The following CUX1 variants were observed in gnomAD, a reference collection of about 807,000 sequenced individuals.
CUX1 encodes the protein protein CASP.
A neutral mutation model predicts 158.8 loss-of-function variants in CUX1; 31 were observed. The observed-to-expected ratio is 0.20, with a 90% CI of 0.15 to 0.26. The LOEUF (loss-of-function observed/expected upper bound fraction) is 0.26. CUX1 is among the 10% of genes least tolerant of loss of function. The probability of loss-of-function intolerance (pLI) is 1.00; values close to 1 mark genes in which losing one functional copy is unlikely to be tolerated. For missense variants in CUX1, 1,589 were observed against 2,014.6 expected (o/e 0.79, Z 4.04); for synonymous variants, 879 against 862.1 (o/e 1.02, Z -0.34).
chr7:102,045,348 C>T (rs57300862), intron 3 of CUX1, among the ~76,000 whole-genome samples: 6,088 of 152,280 alleles, frequency 0.04, 376 homozygotes, highest in African/African-American at 0.14. Flanking sequence ...GGGCAGGAGC[C>T]GTGCGCCTGT....
intron 2 of CUX1, among the ~76,000 whole-genome samples, chr7:101,950,417 A>T (rs561682548): frequency 6.6e-4 from 97 of 148,086 alleles, no homozygotes; most frequent in East Asian, 1.4e-3. Flanking sequence ...TTGTTTTTTT[A>T]AAAAAAAAAT....
intron 1 of CUX1, among the ~76,000 whole-genome samples, chr7:101,836,893 A>C: frequency 6.6e-6 from 1 of 152,112 alleles, no homozygotes; most frequent in Non-Finnish European, 1.5e-5. Context: ...CGCAGAGGAC[A>C]TGGGGCAGAA....
intron 2 of CUX1, among the ~76,000 whole-genome samples, chr7:102,004,621 G>A (rs1182108780): frequency 6.6e-6 from 1 of 152,166 alleles, no homozygotes; most frequent in African/African-American, 2.4e-5. Context: ...ATTCCCAGGT[G>A]GAGAAACTGA....
At chr7:101,941,599 A>G (rs906815826) in intron 2 of CUX1, among the ~76,000 whole-genome samples, 7 of 152,202 alleles carry the variant, frequency 4.6e-5, no homozygotes, top group Non-Finnish European at 1.0e-4. Context: ...GTGGTTTGGC[A>G]GCTGCAGTTT....
intron 11 of CUX1, among the ~76,000 whole-genome samples, chr7:102,189,096 C>T (rs1418882302): frequency 6.6e-6 from 1 of 152,158 alleles, no homozygotes; most frequent in Admixed American, 6.5e-5. Context: ...GTGGAAAGGC[C>T]TTTGCCCTGA....
intron 1 of CUX1, among the ~76,000 whole-genome samples, chr7:101,849,284 G>GTT (rs879621355): frequency 8.6e-5 from 12 of 139,294 alleles, no homozygotes; most frequent in Non-Finnish European, 9.5e-5. Context: ...GTATCCATTA[G>GTT]TTTTTTTTTT....
At position 101,910,544 on chromosome 7, in the gene CUX1, C is replaced by T. The variant is rs556119463; in HGVS notation, c.31-5571C>T. Among the ~76,000 whole-genome samples the T allele has an allele frequency of 1.4e-4, 22 of 152,134 alleles. 1 individual carries two copies. The South Asian group carries it at 4.1e-3, about 29-fold the overall frequency. On this transcript the variant is annotated intron_variant, in intron 1 of 23. Transcript: ENST00000292535. Reference sequence around the variant, plus strand: ...GCCAAGGCGGGCAGATCGCTTGAGGCCAGGAGTTCAAGACTAGTCTGGCCA... The same window carrying T: ...GCCAAGGCGGGCAGATCGCTTGAGGTCAGGAGTTCAAGACTAGTCTGGCCA...
At chr7:102,176,948 CTT>C (rs113478597) in intron 10 of CUX1, among the ~76,000 whole-genome samples, 7 of 142,548 alleles carry the variant, frequency 4.9e-5, no homozygotes, top group African/African-American at 5.2e-5. Flanking sequence ...TGACTTTTTC[CTT>C]TTTTTTTTTT....
intron 2 of CUX1, among the ~76,000 whole-genome samples, chr7:101,989,800 G>A (rs765045734): frequency 2.0e-5 from 3 of 152,206 alleles, no homozygotes; most frequent in Non-Finnish European, 2.9e-5. Flanking sequence ...AGAAGAGTGG[G>A]CACATGCTAA....
intron 3 of CUX1, among the ~76,000 whole-genome samples, chr7:102,054,992 G>C (rs545602794): frequency 1.6e-4 from 24 of 151,584 alleles, no homozygotes; most frequent in African/African-American, 5.8e-4. Context: ...AAGCCAGCTG[G>C]AATTTTGATA....
In CUX1 at chr7:102,067,111, C is replaced by G. The variant is rs1825629490; in HGVS notation, c.190-3228C>G. Among the ~76,000 whole-genome samples the G allele has an allele frequency of 3.9e-5, 6 of 152,194 alleles. No individual in the cohort carries two copies. In the South Asian group the frequency reaches 1.2e-3, roughly 32 times the overall value. ...GTTTTCATCACCCCAAAAGGAAATC[C>G]CACACCCTTCAGTTGGCATCCACCA... is the stretch of plus-strand genomic sequence containing the variant. On this transcript the variant is annotated intron_variant, in intron 3 of 23. Transcript: ENST00000292535.
chr7:101,953,744 C>T (rs549619757), intron 2 of CUX1, among the ~76,000 whole-genome samples: 294 of 151,672 alleles, frequency 1.9e-3, no homozygotes, highest in African/African-American at 6.9e-3. Context: ...CTGGCGATGT[C>T]TGTTTTGTCT....
intron 3 of CUX1, among the ~76,000 whole-genome samples, chr7:102,031,048 C>G (rs929384326): frequency 6.6e-6 from 1 of 151,568 alleles, no homozygotes; most frequent in African/African-American, 2.4e-5. Flanking sequence ...ATCTCCATCA[C>G]CTTCATTTCT....
At chr7:102,021,518 A>G (rs952324679) in intron 2 of CUX1, among the ~76,000 whole-genome samples, 8 of 151,856 alleles carry the variant, frequency 5.3e-5, no homozygotes, top group African/African-American at 1.9e-4. Flanking sequence ...ACGTTGCCCA[A>G]GCTGGTCCCG....
intron 3 of CUX1, among the ~76,000 whole-genome samples, chr7:102,031,791 G>A (rs1820823088): frequency 6.6e-6 from 1 of 152,060 alleles, no homozygotes; most frequent in Admixed American, 6.6e-5. Context: ...TGTGGCAGGA[G>A]CAGCTAAGAT....
intron 8 of CUX1, among the ~76,000 whole-genome samples, chr7:102,151,093 A>G (rs1325440896): frequency 6.6e-6 from 1 of 152,248 alleles, no homozygotes; most frequent in Non-Finnish European, 1.5e-5. Context: ...CACTCACACC[A>G]TGAAACCACA....
intron 4 of CUX1, among the ~76,000 whole-genome samples, chr7:102,073,963 A>G (rs941245235): frequency 1.3e-5 from 2 of 152,196 alleles, no homozygotes; most frequent in African/African-American, 4.8e-5. Flanking sequence ...CTTCCCAGGT[A>G]TTTCTTACAA....
At chr7:102,239,265 T>C in intron 22 of CUX1, 55 bp from the exon 23 acceptor site, 1 of 1,550,500 alleles carries the variant, frequency 6.4e-7, no homozygotes, top group Non-Finnish European at 8.7e-7. Flanking sequence ...GACTGGGGAT[T>C]TGGGCTGCTG....
Position 102,137,678 on chromosome 7 carries a change from C to T in CUX1, c.675-20882C>T, listed in dbSNP as rs11982763. ...GGCAAAACCACAGTTACTTTTGCAC[C>T]GACCTAATAGTAGGATTACACTTTT... On this transcript the variant is annotated intron_variant, in intron 8 of 23. Transcript: ENST00000292535. 3.1e-3 allele frequency among the ~76,000 whole-genome samples: 475 copies of T among 152,004 alleles called. 1 individual carries two copies. Among genetic ancestry groups the T allele is most frequent in the South Asian group, 0.011 (51 of 4,808 alleles).
Sources: gnomAD v4.1 joint callset for allele counts (sites outside exome capture counted in the v4.1 genomes callset) on GRCh38, gnomAD v4.1.1 for gene constraint, MANE v1.5 for transcripts, NCBI Gene and HGNC (gene_info 2026-07-23, HGNC 2026-07-21) for gene names.